Variants in MYO18B observed in about 807,000 individuals in gnomAD.
The protein encoded by MYO18B is myosin XVIIIB.
In MYO18B, 204 loss-of-function variants were observed where a neutral mutation model predicts 273.0. The observed-to-expected ratio is 0.75, with a 90% CI of 0.67 to 0.84. The LOEUF is 0.84. Ranked by LOEUF, MYO18B falls within the 40% of genes least tolerant of loss-of-function variation. The pLI, the probability that MYO18B is intolerant of heterozygous loss-of-function variation, is 0.00. For synonymous variants in MYO18B, 1,330 were observed against 1,305.7 expected (o/e 1.02, Z -0.40); for missense variants, 3,212 against 3,287.6 (o/e 0.98, Z 0.56).
chr22:25,936,008 G>A (rs774602661), intron 34 of MYO18B, among the ~76,000 whole-genome samples: 7 of 152,172 alleles, frequency 4.6e-5, no homozygotes, highest in Non-Finnish European at 4.4e-5. Context: ...GACATGTGTC[G>A]AGTTCATACT....
At chr22:25,796,889 C>T (rs1403991290) in intron 11 of MYO18B, among the ~76,000 whole-genome samples, 1 of 152,224 alleles carries the variant, frequency 6.6e-6, no homozygotes, top group African/African-American at 2.4e-5. Flanking sequence ...ATGCTGGCTT[C>T]TCCAGCTTTA....
chr22:25,909,170 G>C (rs2092106948), intron 32 of MYO18B, among the ~76,000 whole-genome samples: 1 of 152,164 alleles, frequency 6.6e-6, no homozygotes, highest in South Asian at 2.1e-4. Context: ...CATTCTTAGA[G>C]CTGTATTGAT....
chr22:25,890,508 C>T (rs944539517), intron 25 of MYO18B, among the ~76,000 whole-genome samples: 1 of 152,224 alleles, frequency 6.6e-6, no homozygotes, highest in African/African-American at 2.4e-5. Context: ...TGTTTTCCCC[C>T]CTTTAAAGCT....
chr22:25,961,834 C>T (rs2092921618), intron 39 of MYO18B, among the ~76,000 whole-genome samples: 1 of 152,200 alleles, frequency 6.6e-6, no homozygotes, highest in Admixed American at 6.5e-5. Context: ...TTGGTGCCTC[C>T]TCATGGTAAC....
intron 13 of MYO18B, among the ~76,000 whole-genome samples, chr22:25,825,111 C>T (rs1465342382): frequency 6.6e-6 from 1 of 152,200 alleles, no homozygotes; most frequent in Admixed American, 6.5e-5. Flanking sequence ...ACAAACACCA[C>T]ACACATACTT....
At chr22:25,837,237 G>C (rs2089933035) in intron 17 of MYO18B, among the ~76,000 whole-genome samples, 1 of 152,148 alleles carries the variant, frequency 6.6e-6, no homozygotes, top group Non-Finnish European at 1.5e-5. Flanking sequence ...TGAGGTCACT[G>C]AGAGAATGAG....
the MYO18B span, among the ~76,000 whole-genome samples, chr22:26,044,230 C>G: frequency 6.6e-6 from 1 of 152,064 alleles, no homozygotes; most frequent in Non-Finnish European, 1.5e-5. Flanking sequence ...GATGCAAGTT[C>G]TTTGTCAGAG....
chr22:25,870,921 T>C (rs1293222662), intron 22 of MYO18B, among the ~76,000 whole-genome samples: 1 of 152,208 alleles, frequency 6.6e-6, no homozygotes, highest in Non-Finnish European at 1.5e-5. Flanking sequence ...AAGAAAACAG[T>C]CATTACATGC....
chr22:25,821,127 A>G (rs1243464894), intron 12 of MYO18B, among the ~76,000 whole-genome samples: 1 of 152,242 alleles, frequency 6.6e-6, no homozygotes, highest in East Asian at 1.9e-4. Flanking sequence ...ATCATGCTAC[A>G]GTAAACATGG....
At position 25,790,141 on chromosome 22, in the gene MYO18B, A is replaced by G. The variant is rs1289592798; in HGVS notation, c.2376+4650A>G. ...GCACTCCAGCCTGGGCGACAGCGTG[A>G]GACTCCGTCTCAAAAAAAAACAACA... On this transcript the variant is annotated intron_variant, in intron 11 of 43. Coordinates refer to ENST00000335473, the MANE Select transcript of MYO18B (RefSeq NM_032608.7). Among the ~76,000 whole-genome samples, 21 of 114,642 alleles carry G rather than the reference A, an allele frequency of 1.8e-4. No individual in the cohort carries two copies. In the Admixed American group the frequency reaches 2.0e-3, roughly 11 times the overall value. The allele number at this position is 114,642 out of a possible 152,430, so 75.2% of individuals were successfully genotyped here.
intron 11 of MYO18B, among the ~76,000 whole-genome samples, chr22:25,790,106 T>C (rs1367553914): frequency 6.6e-6 from 1 of 152,174 alleles, no homozygotes; most frequent in Non-Finnish European, 1.5e-5. Context: ...TGAGCCGAGA[T>C]TGCGCCACTG....
At chr22:25,748,629 G>T (rs1367339235) in intron 1 of MYO18B, among the ~76,000 whole-genome samples, 1 of 152,148 alleles carries the variant, frequency 6.6e-6, no homozygotes, top group Non-Finnish European at 1.5e-5. Flanking sequence ...CTTCACACCT[G>T]CTGCTCCCTG....
chr22:25,807,549 A>G (rs1316138201), intron 12 of MYO18B, among the ~76,000 whole-genome samples: 1 of 152,154 alleles, frequency 6.6e-6, no homozygotes, highest in Non-Finnish European at 1.5e-5. Context: ...GAAGGCTGGA[A>G]TAGCCCATTT....
intron 11 of MYO18B, among the ~76,000 whole-genome samples, chr22:25,795,192 A>G (rs1328753401): frequency 6.6e-6 from 1 of 152,078 alleles, no homozygotes; most frequent in African/African-American, 2.4e-5. Context: ...TTGTCAGTTG[A>G]CTTATTCTGT....
At chr22:25,784,593 A>C (rs977342981) in intron 10 of MYO18B, among the ~76,000 whole-genome samples, 13 of 152,214 alleles carry the variant, frequency 8.5e-5, no homozygotes, top group African/African-American at 2.7e-4. Flanking sequence ...AGAACCAGAC[A>C]AGCTGGCTGG....
intron 21 of MYO18B, among the ~76,000 whole-genome samples, chr22:25,867,402 A>G (rs760006743): frequency 2.6e-5 from 4 of 152,088 alleles, no homozygotes; most frequent in Admixed American, 1.3e-4. Context: ...TGACTGACTT[A>G]TTTGGCTTGG....
rs764677105 is a variant in MYO18B, at chr22:25,992,350, C to A, written c.6157-13C>A. 6.2e-7 allele frequency: 1 copy of A among 1,613,338 alleles called. No homozygotes were observed. The highest frequency in any genetic ancestry group is 1.3e-5 in the African/African-American group (1 of 75,048). ...GCCCAAGGCCAACGTGTGTTTGCAT[C>A]TTCTGTCCCCAGGAGAAGTACGTGG... is the stretch of plus-strand genomic sequence containing the variant. On this transcript the variant is annotated splice_polypyrimidine_tract_variant and intron_variant, in intron 39 of 43. Coordinates refer to ENST00000335473, the MANE Select transcript of MYO18B (RefSeq NM_032608.7).
chr22:25,772,146 G>T (rs1361212912), intron 6 of MYO18B, among the ~76,000 whole-genome samples, 188 bp from the exon 7 acceptor site: 1 of 152,188 alleles, frequency 6.6e-6, no homozygotes, highest in Non-Finnish European at 1.5e-5. Flanking sequence ...GCAAGGAGAA[G>T]GGATGGCCCT....
chr22:25,818,373 G>A lies in MYO18B; in HGVS notation c.2522-5132G>A, dbSNP rs188165729. Among the ~76,000 whole-genome samples the A allele has an allele frequency of 6.1e-4, 93 of 152,288 alleles. 1 individual carries two copies. The East Asian group carries it at 0.016, about 26-fold the overall frequency. On this transcript the variant is annotated intron_variant, in intron 12 of 43. Transcript: ENST00000335473. ...TGATGGTCTACATGGATGGTTCCTT[G>A]AGCATGGAGCCTGAGATCAGCCACA...
Sources: allele counts gnomAD v4.1 joint callset (sites outside exome capture counted in the v4.1 genomes callset), GRCh38; gene constraint gnomAD v4.1.1; transcripts MANE v1.5; gene names NCBI Gene and HGNC (gene_info 2026-07-23, HGNC 2026-07-21).